Variants in NF1 observed in about 807,000 individuals in gnomAD.
The protein encoded by NF1 is neurofibromin.
A neutral mutation model predicts 325.7 loss-of-function variants in NF1; 122 were observed. The observed-to-expected ratio is 0.37, with a 90% confidence interval of 0.32 to 0.44. The LOEUF (loss-of-function observed/expected upper bound fraction) is 0.44, where lower values mean the gene tolerates loss of function less well. Ranked by LOEUF, NF1 falls within the 20% of genes least tolerant of loss-of-function variation. The probability of loss-of-function intolerance (pLI) is 1.00; values close to 1 mark genes in which losing one functional copy is unlikely to be tolerated. For synonymous variants in NF1, 1,091 were observed against 1,186.0 expected (o/e 0.92, Z 1.65); for missense variants, 2,140 against 3,415.4 (o/e 0.63, Z 9.31).
intron 3 of NF1, among the ~76,000 whole-genome samples, chr17:31,162,497 C>T (rs895351633): frequency 1.3e-5 from 2 of 152,020 alleles, no homozygotes; most frequent in East Asian, 3.8e-4. Flanking sequence ...TTTTTTGGAT[C>T]CTTATTGAAT....
chr17:31,363,506 G>A (rs890798188), intron 57 of NF1, among the ~76,000 whole-genome samples: 5 of 143,878 alleles, frequency 3.5e-5, no homozygotes, highest in African/African-American at 7.8e-5. Context: ...GTGCGATCTC[G>A]ACTCACTGCA....
intron 1 of NF1, among the ~76,000 whole-genome samples, chr17:31,144,896 G>A (rs1378170368): frequency 6.6e-6 from 1 of 152,198 alleles, no homozygotes; most frequent in African/African-American, 2.4e-5. Context: ...ATCTTATTGC[G>A]GGAAAGCATG....
chr17:31,269,552 T>A (rs568043207), intron 36 of NF1, among the ~76,000 whole-genome samples: 55 of 152,374 alleles, frequency 3.6e-4, no homozygotes, highest in African/African-American at 1.2e-3. Flanking sequence ...AAGGAATTTA[T>A]TGACTCATGT....
intron 1 of NF1, among the ~76,000 whole-genome samples, chr17:31,115,185 G>T (rs1269877079): frequency 1.3e-5 from 2 of 152,266 alleles, no homozygotes; most frequent in African/African-American, 4.8e-5. Flanking sequence ...TGACTTTCGT[G>T]GGGGTGGGGG....
At chr17:31,354,352 A>G (rs1455392330) in intron 51 of NF1, among the ~76,000 whole-genome samples, 1 of 152,222 alleles carries the variant, frequency 6.6e-6, no homozygotes, top group Non-Finnish European at 1.5e-5. Flanking sequence ...TATGTTTAAG[A>G]GCAGTGGGGA....
chr17:31,262,726 A>G (rs572388419), intron 35 of NF1, among the ~76,000 whole-genome samples: 1 of 152,348 alleles, frequency 6.6e-6, no homozygotes, highest in South Asian at 2.1e-4. Context: ...TATAAACATA[A>G]GAATGTATGG....
At chr17:31,172,027 G>A (rs2065935102) in intron 5 of NF1, among the ~76,000 whole-genome samples, 1 of 152,148 alleles carries the variant, frequency 6.6e-6, no homozygotes, top group Non-Finnish European at 1.5e-5. Context: ...AGCAAGATGT[G>A]AAGGTACAAG....
chr17:31,369,052 T>G (rs1394430817), intron 57 of NF1, among the ~76,000 whole-genome samples: 1 of 152,224 alleles, frequency 6.6e-6, no homozygotes, highest in Non-Finnish European at 1.5e-5. Context: ...TAACCCATTT[T>G]TCCTTAGCTT....
intron 11 of NF1, 115 bp downstream of exon 11, chr17:31,201,600 T>C (rs2066532409): frequency 1.3e-6 from 1 of 758,982 alleles, no homozygotes; most frequent in African/African-American, 1.8e-5. Context: ...AATTTAGATG[T>C]ATGAAATAGG....
At chr17:31,219,290 A>C in intron 14 of NF1, 172 bp downstream of exon 14, 1 of 601,802 alleles carries the variant, frequency 1.7e-6, no homozygotes, top group Non-Finnish European at 2.8e-6. Context: ...GAAGGGGTTT[A>C]CTTGCTTTGT....
intron 1 of NF1, among the ~76,000 whole-genome samples, chr17:31,117,064 C>T (rs1026647313): frequency 7.2e-5 from 11 of 152,054 alleles, no homozygotes; most frequent in Non-Finnish European, 1.6e-4. Flanking sequence ...TCACTGCAAC[C>T]TCTGCCTCCT....
chr17:31,202,717 G>A (rs2066551810), intron 11 of NF1, among the ~76,000 whole-genome samples: 1 of 152,004 alleles, frequency 6.6e-6, no homozygotes, highest in Non-Finnish European at 1.5e-5. Context: ...TTAAATTGTA[G>A]GTAAAAGTAA....
rs141441965 is a variant in NF1 at position 31,168,767 on chromosome 17, T to A, written c.480-1124T>A. On this transcript the variant is annotated intron_variant, in intron 4 of 57. Coordinates refer to ENST00000358273, the MANE Select transcript of NF1 (RefSeq NM_001042492.3). ...TTGGATTTCGATGTTATCAGCATTA[T>A]GTATTCATTATACAGTTTCCCATAA... 7.9e-5 allele frequency among the ~76,000 whole-genome samples: 12 copies of A among 152,380 alleles called. No homozygotes were observed. In the East Asian group the frequency reaches 2.1e-3, roughly 27 times the overall value.
At chr17:31,156,148 T>C in intron 2 of NF1, 22 bp downstream of exon 2, 1 of 1,612,696 alleles carries the variant, frequency 6.2e-7, no homozygotes, top group Non-Finnish European at 8.5e-7. Flanking sequence ...GGTTACTGTG[T>C]TTTGGGGAAT....
In NF1 at chr17:31,242,305, CTTTTTTTT is replaced by C. The variant is rs200376987; in HGVS notation, c.3974+6304_3974+6311del. ...TCTTTCCCTAGGTTTCATAAGTTCT[CTTTTTTTT>C]TTTTTTTTTTTTTTTTTTTGAGATG... is the stretch of plus-strand genomic sequence containing the variant. On this transcript the variant is annotated intron_variant, in intron 29 of 57. Transcript: ENST00000358273. Among the ~76,000 whole-genome samples the C allele has an allele frequency of 8.0e-3, 548 of 68,834 alleles. 4 individuals are homozygous for C. The highest frequency in any genetic ancestry group is 0.031 in the African/African-American group (500 of 15,990). The allele number at this position is 68,834 out of a possible 152,430, so 45.2% of individuals were successfully genotyped here.
intron 54 of NF1, chr17:31,357,685 T>A (rs2070307756): frequency 5.4e-6 from 2 of 373,382 alleles, no homozygotes; most frequent in Non-Finnish European, 1.0e-5. Context: ...TGTTTTGGTT[T>A]ACTTTTTAGT....
At chr17:31,329,944 C>A (rs2069438906) in intron 38 of NF1, among the ~76,000 whole-genome samples, 1 of 151,974 alleles carries the variant, frequency 6.6e-6, no homozygotes, top group Non-Finnish European at 1.5e-5. Flanking sequence ...GTATGGTGTG[C>A]CTTATTCTGA....
chr17:31,326,398 A>G lies in NF1; in HGVS notation c.5268+146A>G, dbSNP rs17883468. ...CGCGGTGGCTCACGCCTGTAATCCA[A>G]GCACTTTGGGATGTCAAGGTGGGCA... On this transcript the variant is annotated intron_variant, in intron 37 of 57. Transcript: ENST00000358273. 6.9e-3 allele frequency: 5,453 copies of G among 786,376 alleles called. 85 individuals are homozygous for G. Among genetic ancestry groups the G allele is most frequent in the South Asian group, 0.03 (1,745 of 58,830 alleles). 48.7% of individuals were successfully genotyped at this position (786,376 alleles called of 1,614,324 possible). A position where few individuals can be genotyped will look rare whatever the true frequency, so the allele number is the denominator to read the frequency against.
rs779562583 is a variant in NF1 at position 31,349,260 on chromosome 17, A to G, written c.7321+9A>G. 4 of 1,610,134 alleles carry G rather than the reference A, an allele frequency of 2.5e-6. No individual in the cohort carries two copies. The highest frequency in any genetic ancestry group is 4.5e-5 in the East Asian group (2 of 44,836). On this transcript the variant is annotated intron_variant, in intron 49 of 57. Coordinates refer to ENST00000358273, the MANE Select transcript of NF1 (RefSeq NM_001042492.3). ...CGTGGCCTACTTAGCAGGTAAAAAC[A>G]CAAAATAAACAAAATTAATCTTGCT...
Sources: gnomAD v4.1 joint callset for allele counts (sites outside exome capture counted in the v4.1 genomes callset) on GRCh38, gnomAD v4.1.1 for gene constraint, MANE v1.5 for transcripts, NCBI Gene and HGNC (gene_info 2026-07-23, HGNC 2026-07-21) for gene names.